The following ADGRG7 variants were observed in gnomAD, a reference collection of about 807,000 sequenced individuals.
ADGRG7 encodes adhesion G protein-coupled receptor G7, also known as G-protein coupled receptor 128.
Under a neutral mutation model 88.6 loss-of-function variants are expected in ADGRG7, and 82 were observed. The observed-to-expected ratio is 0.93, with a 90% confidence interval of 0.77 to 1.11. ADGRG7 has a LOEUF of 1.11. Among genes scored for constraint, ADGRG7 ranks in the 50% most tolerant of loss-of-function variants. The pLI, the probability that ADGRG7 is intolerant of heterozygous loss-of-function variation, is 0.00. For synonymous variants in ADGRG7, 381 were observed against 345.2 expected (o/e 1.10, Z -1.15); for missense variants, 945 against 953.4 (o/e 0.99, Z 0.12).
rs765767252 is a variant in ADGRG7, at chr3:100,694,862, G to C, written c.2255G>C (p.Arg752Pro). 6.2e-7 allele frequency: 1 copy of C among 1,614,112 alleles called. No individual in the cohort carries two copies. The highest frequency in any genetic ancestry group is 2.2e-5 in the East Asian group (1 of 44,876). Residue 752 changes from arginine (R) to proline (P), a missense_variant, in exon 16 of 16, where the codon CGG becomes CCG. By Grantham distance (103) the Arg-to-Pro change is moderately radical (BLOSUM62 -2). Transcript: ENST00000273352. ...AGGAAGTCATTGCCTTCAGTGACGC[G>C]GCCGAGGCTGCGTGTAAAGATGTAT... ...GRRKSLPSVT[R>P]PRLRVKMYNF...
intron 6 of ADGRG7, 25 bp downstream of exon 6, chr3:100,637,427 GAA>G: frequency 1.3e-6 from 2 of 1,540,008 alleles, no homozygotes; most frequent in Non-Finnish European, 1.8e-6. Context: ...AATTTGGAAA[GAA>G]AACTTGACTA....
intron 15 of ADGRG7, among the ~76,000 whole-genome samples, chr3:100,686,691 T>C (rs1377649003): frequency 6.6e-6 from 1 of 152,208 alleles, no homozygotes; most frequent in East Asian, 1.9e-4. Flanking sequence ...GTTGTAGATA[T>C]GTGGCATTAT....
chr3:100,645,762 C>T (rs1359825852), intron 8 of ADGRG7, among the ~76,000 whole-genome samples, 183 bp from the exon 9 acceptor site: 2 of 151,948 alleles, frequency 1.3e-5, no homozygotes, highest in Non-Finnish European at 2.9e-5. Flanking sequence ...GGTGGAATGG[C>T]CCGCCATAGG....
chr3:100,654,603 A>G (rs985511188), intron 11 of ADGRG7: 8 of 406,888 alleles, frequency 2.0e-5, no homozygotes, highest in African/African-American at 1.2e-4. Flanking sequence ...AGTTTCAAGA[A>G]AAGATATGTC....
intron 11 of ADGRG7, among the ~76,000 whole-genome samples, chr3:100,650,234 G>A (rs1259496461): frequency 6.6e-6 from 1 of 152,084 alleles, no homozygotes. Flanking sequence ...GTTTTCAAAT[G>A]GTGAAAGTTT....
intron 1 of ADGRG7, among the ~76,000 whole-genome samples, chr3:100,612,248 A>T (rs556713092): frequency 6.6e-6 from 1 of 152,296 alleles, no homozygotes; most frequent in South Asian, 2.1e-4. Flanking sequence ...GCTCTGAGTA[A>T]ATTTCAGTAA....
At chr3:100,671,938 A>G (rs1464408641) in intron 15 of ADGRG7, among the ~76,000 whole-genome samples, 1 of 152,212 alleles carries the variant, frequency 6.6e-6, no homozygotes, top group Admixed American at 6.5e-5. Flanking sequence ...TACCAGTACC[A>G]TGCTGTTTTG....
chr3:100,626,646 A>T (rs555369073), intron 1 of ADGRG7, among the ~76,000 whole-genome samples: 1 of 152,148 alleles, frequency 6.6e-6, no homozygotes, highest in Non-Finnish European at 1.5e-5. Context: ...TTAGCTGGGC[A>T]TGGTGGCATG....
At position 100,643,610 on chromosome 3, in the gene ADGRG7, A is replaced by G; in HGVS notation, c.923A>G (p.Gln308Arg). 6.2e-7 allele frequency: 1 copy of G among 1,613,436 alleles called. No homozygotes were observed. Among genetic ancestry groups the G allele is most frequent in the Non-Finnish European group, 8.5e-7 (1 of 1,179,586 alleles). ...GLNPDAQTEL[Q>R]VLLNMTKNYT... ...AACCCAGATGCACAGACTGAGCTTCAGGTCTTGCTTAATATGACGAAAAGT... is the reference window on the plus strand; with the variant it reads ...AACCCAGATGCACAGACTGAGCTTCGGGTCTTGCTTAATATGACGAAAAGT... The change falls in exon 8 of 16, where the codon CAG (glutamine) becomes CGG (arginine). Residue 308 changes from glutamine (Q) to arginine (R), a missense_variant. Gln to Arg is a conservative substitution (Grantham distance 43). Coordinates refer to ENST00000273352, the MANE Select transcript of ADGRG7 (RefSeq NM_032787.3).
intron 6 of ADGRG7, among the ~76,000 whole-genome samples, chr3:100,637,868 G>A (rs948362067): frequency 5.3e-5 from 8 of 152,124 alleles, no homozygotes; most frequent in African/African-American, 9.7e-5. Context: ...TGATCCCTTC[G>A]TGGGACTTGT....
At chr3:100,660,672 G>T (rs1027060797) in intron 14 of ADGRG7, among the ~76,000 whole-genome samples, 1 of 151,964 alleles carries the variant, frequency 6.6e-6, no homozygotes, top group Non-Finnish European at 1.5e-5. Context: ...TAAATTTTCG[G>T]CAGGGCGCAG....
intron 5 of ADGRG7, among the ~76,000 whole-genome samples, chr3:100,636,205 G>A (rs1707538119): frequency 2.6e-5 from 4 of 152,112 alleles, no homozygotes; most frequent in South Asian, 4.1e-4. Context: ...TGGGACTACA[G>A]GCACACACCA....
At chr3:100,661,090 C>A (rs947805643) in intron 14 of ADGRG7, among the ~76,000 whole-genome samples, 18 of 152,150 alleles carry the variant, frequency 1.2e-4, no homozygotes, top group African/African-American at 3.9e-4. Flanking sequence ...CTTTCTATAA[C>A]CTTTCTGGCT....
chr3:100,617,604 A>G (rs1267588128), intron 1 of ADGRG7, among the ~76,000 whole-genome samples: 1 of 150,534 alleles, frequency 6.6e-6, no homozygotes, highest in Non-Finnish European at 1.5e-5. Flanking sequence ...CACATACACA[A>G]TGTCTATCAT....
At chr3:100,664,770 C>T (rs1036786277) in intron 14 of ADGRG7, among the ~76,000 whole-genome samples, 9 of 152,152 alleles carry the variant, frequency 5.9e-5, no homozygotes, top group South Asian at 2.1e-4. Context: ...GTAACAAATT[C>T]TGAACCATAA....
At chr3:100,634,248 C>T (rs912261012) in intron 4 of ADGRG7, among the ~76,000 whole-genome samples, 1 of 152,172 alleles carries the variant, frequency 6.6e-6, no homozygotes, top group Admixed American at 6.5e-5. Flanking sequence ...TATGTACAGC[C>T]TTTCATGTGC....
At chr3:100,618,716 C>T (rs751846437) in intron 1 of ADGRG7, among the ~76,000 whole-genome samples, 5 of 151,968 alleles carry the variant, frequency 3.3e-5, no homozygotes, top group Admixed American at 6.6e-5. Context: ...TTTTTGGTTC[C>T]GTATGAACTT....
At chr3:100,632,338 C>T (rs1402430286) in intron 3 of ADGRG7, among the ~76,000 whole-genome samples, 1 of 151,976 alleles carries the variant, frequency 6.6e-6, no homozygotes, top group East Asian at 1.9e-4. Flanking sequence ...TATAATTTTA[C>T]AGATTTGGAT....
chr3:100,633,346 G>A lies in ADGRG7; in HGVS notation c.416G>A (p.Cys139Tyr), dbSNP rs759246633. The A allele has an allele frequency of 6.3e-7, 1 of 1,588,526 alleles. No individual in the cohort carries two copies. Among genetic ancestry groups the A allele is most frequent in the Non-Finnish European group, 8.6e-7 (1 of 1,166,802 alleles). Residue 139 changes from cysteine (C) to tyrosine (Y), a missense_variant, in exon 4 of 16, where the codon TGC becomes TAC. By Grantham distance (194) the Cys-to-Tyr change is radical. Coordinates refer to ENST00000273352, the MANE Select transcript of ADGRG7 (RefSeq NM_032787.3). ...IELQKVTIGN[C>Y]NENLETLEKQ... ...TTACAAAAAGTGACAATAGGAAATT[G>A]CAATGAAAATCTGGAAACCCTGGAA...
Sources: allele counts gnomAD v4.1 joint callset (sites outside exome capture counted in the v4.1 genomes callset), GRCh38; gene constraint gnomAD v4.1.1; transcripts MANE v1.5; gene names NCBI Gene and HGNC (gene_info 2026-07-23, HGNC 2026-07-21).